Variants in ARHGAP15 observed in about 807,000 individuals in gnomAD.
ARHGAP15 encodes Rho GTPase activating protein 15, also known as rho GTPase-activating protein 15.
In ARHGAP15, 51 loss-of-function variants were observed where a neutral mutation model predicts 63.7. The ratio of observed to expected loss-of-function variants is 0.80; its 90% confidence interval spans 0.64 to 1.01. ARHGAP15 has a LOEUF of 1.01. Ranked by LOEUF, ARHGAP15 falls within the 50% of genes least tolerant of loss-of-function variation. The pLI is 0.00. For synonymous variants in ARHGAP15, 191 were observed against 193.8 expected (o/e 0.99, Z 0.12); for missense variants, 560 against 564.6 (o/e 0.99, Z 0.08).
At chr2:143,261,972 G>T (rs1423778594) in intron 6 of ARHGAP15, among the ~76,000 whole-genome samples, 1 of 152,106 alleles carries the variant, frequency 6.6e-6, no homozygotes, top group African/African-American at 2.4e-5. Context: ...GCCTCTGGGT[G>T]GGGATAATGT....
chr2:143,169,450 A>G (rs932190505), intron 2 of ARHGAP15, among the ~76,000 whole-genome samples: 1 of 152,100 alleles, frequency 6.6e-6, no homozygotes, highest in Non-Finnish European at 1.5e-5. Flanking sequence ...TGTCATGCAG[A>G]TAACTGCAAA....
chr2:143,450,007 C>T (rs1053931390), intron 8 of ARHGAP15, among the ~76,000 whole-genome samples: 1 of 151,444 alleles, frequency 6.6e-6, no homozygotes, highest in Non-Finnish European at 1.5e-5. Context: ...CACTTATTTA[C>T]CTTTCTTACT....
chr2:143,209,758 C>A (rs1692496653), intron 3 of ARHGAP15, among the ~76,000 whole-genome samples: 1 of 152,050 alleles, frequency 6.6e-6, no homozygotes, highest in African/African-American at 2.4e-5. Flanking sequence ...TGAAAAACTG[C>A]AAAAATTCCA....
chr2:143,673,758 G>GTGTGTGTGTATATATA (rs1553520615), intron 12 of ARHGAP15, among the ~76,000 whole-genome samples: 10 of 22,128 alleles, frequency 4.5e-4, no homozygotes, highest in African/African-American at 8.1e-4. Flanking sequence ...GTGTGTGTGT[G>GTGTGTGTGTATATATA]TATATATATA....
At chr2:143,751,609 C>T (rs767113777) in intron 13 of ARHGAP15, among the ~76,000 whole-genome samples, 30 of 152,154 alleles carry the variant, frequency 2.0e-4, no homozygotes, top group Admixed American at 1.3e-3. Flanking sequence ...TGTCTCCATC[C>T]TCCACTCTCT....
chr2:143,279,998 G>C (rs1681761295), intron 6 of ARHGAP15, among the ~76,000 whole-genome samples: 1 of 152,132 alleles, frequency 6.6e-6, no homozygotes, highest in South Asian at 2.1e-4. Context: ...GGAACAGCCA[G>C]GTTGACTTCC....
At chr2:143,368,314 A>ATTTGATTC (rs1686387337) in intron 6 of ARHGAP15, among the ~76,000 whole-genome samples, 1 of 151,954 alleles carries the variant, frequency 6.6e-6, no homozygotes. Flanking sequence ...CATTTCAGCT[A>ATTTGATTC]AGTATCAAAG....
At chr2:143,430,255 C>G (rs1305165018) in intron 6 of ARHGAP15, among the ~76,000 whole-genome samples, 1 of 151,158 alleles carries the variant, frequency 6.6e-6, no homozygotes, top group African/African-American at 2.4e-5. Flanking sequence ...GATACTTTCT[C>G]ACAAAATGCT....
At chr2:143,537,450 G>T (rs981003310) in intron 10 of ARHGAP15, among the ~76,000 whole-genome samples, 1 of 152,128 alleles carries the variant, frequency 6.6e-6, no homozygotes, top group Non-Finnish European at 1.5e-5. Flanking sequence ...TGAAGTCCTT[G>T]CCCATGCTTA....
intron 12 of ARHGAP15, among the ~76,000 whole-genome samples, chr2:143,646,367 G>C (rs183978227): frequency 5.1e-4 from 78 of 152,062 alleles, no homozygotes; most frequent in African/African-American, 1.6e-3. Flanking sequence ...TTTCCTAGAA[G>C]CCACTTATTA....
chr2:143,451,251 G>A (rs1003156511), intron 8 of ARHGAP15, among the ~76,000 whole-genome samples: 2 of 151,858 alleles, frequency 1.3e-5, no homozygotes, highest in Admixed American at 1.3e-4. Context: ...GCTCAAAAGA[G>A]CATTTGGGGA....
At chr2:143,661,141 C>G (rs1339130845) in intron 12 of ARHGAP15, among the ~76,000 whole-genome samples, 1 of 152,194 alleles carries the variant, frequency 6.6e-6, no homozygotes. Flanking sequence ...CTGACCACAA[C>G]AAGGATTTCT....
intron 5 of ARHGAP15, among the ~76,000 whole-genome samples, chr2:143,246,242 CA>C (rs1317991198): frequency 6.6e-6 from 1 of 151,796 alleles, no homozygotes; most frequent in Non-Finnish European, 1.5e-5. Flanking sequence ...GTAATATTTT[CA>C]AAAGATTGTT....
chr2:143,710,825 A>AC (rs1413956298), intron 13 of ARHGAP15, among the ~76,000 whole-genome samples: 1 of 152,214 alleles, frequency 6.6e-6, no homozygotes, highest in Admixed American at 6.5e-5. Context: ...GCCCTTAGAA[A>AC]CTGTACAACA....
At chr2:143,379,157 T>A (rs1344921765) in intron 6 of ARHGAP15, among the ~76,000 whole-genome samples, 2 of 151,976 alleles carry the variant, frequency 1.3e-5, no homozygotes, top group Non-Finnish European at 2.9e-5. Context: ...AGTGCATGCA[T>A]ACATGCCTTC....
intron 6 of ARHGAP15, among the ~76,000 whole-genome samples, chr2:143,316,699 T>G (rs567059265): frequency 6.7e-6 from 1 of 149,782 alleles, no homozygotes; most frequent in East Asian, 1.9e-4. Flanking sequence ...ATCATGAGAT[T>G]CTCTGATCAA....
intron 11 of ARHGAP15, among the ~76,000 whole-genome samples, chr2:143,603,073 A>G (rs1697840200): frequency 6.6e-6 from 1 of 152,208 alleles, no homozygotes; most frequent in South Asian, 2.1e-4. Flanking sequence ...AGTCAATTGA[A>G]AACAGAATAT....
At chr2:143,666,094 A>T (rs1465607765) in intron 12 of ARHGAP15, among the ~76,000 whole-genome samples, 1 of 151,706 alleles carries the variant, frequency 6.6e-6, no homozygotes, top group African/African-American at 2.4e-5. Flanking sequence ...GAACCAAAAA[A>T]GAGCCCACAT....
At chr2:143,278,948 T>G (rs1022203888) in intron 6 of ARHGAP15, among the ~76,000 whole-genome samples, 2 of 151,872 alleles carry the variant, frequency 1.3e-5, no homozygotes, top group Non-Finnish European at 2.9e-5. Context: ...GGTGCTGTTT[T>G]TACTCAAATA....
Sources: allele counts gnomAD v4.1 joint callset (sites outside exome capture counted in the v4.1 genomes callset), GRCh38; gene constraint gnomAD v4.1.1; transcripts MANE v1.5; gene names NCBI Gene and HGNC (gene_info 2026-07-23, HGNC 2026-07-21).